The following CRTAP variants were observed in gnomAD, a reference collection of about 807,000 sequenced individuals.
CRTAP encodes cartilage-associated protein.
A neutral mutation model predicts 42.7 loss-of-function variants in CRTAP; 33 were observed. The observed-to-expected ratio is 0.77, with a 90% CI of 0.59 to 1.03. CRTAP has a LOEUF of 1.03. CRTAP is among the 50% of genes least tolerant of loss of function. The probability of loss-of-function intolerance (pLI) is 0.00; values close to 1 mark genes in which losing one functional copy is unlikely to be tolerated. For missense variants in CRTAP, 613 were observed against 533.9 expected, an observed-to-expected ratio of 1.15 and a Z score of -1.46; for synonymous variants, 243 against 217.7, an observed-to-expected ratio of 1.12 and a Z score of -1.02.
chr3:33,134,407 A>G, intron 6 of CRTAP, 142 bp downstream of exon 6: 1 of 696,050 alleles, frequency 1.4e-6, no homozygotes, highest in Admixed American at 2.0e-5. Context: ...TGGGTGTTTC[A>G]GTGACAGTCA....
At chr3:33,114,890 G>A (rs1701326255) in intron 1 of CRTAP, among the ~76,000 whole-genome samples, 1 of 152,178 alleles carries the variant, frequency 6.6e-6, no homozygotes. Context: ...TTTTTCTCAA[G>A]TGAGCGGTGA....
chr3:33,114,515 G>A lies in CRTAP; in HGVS notation c.438G>A (p.Glu146=). 6.2e-7 allele frequency: 1 copy of A among 1,603,958 alleles called. No homozygotes were observed. The highest frequency in any genetic ancestry group is 8.5e-7 in the Non-Finnish European group (1 of 1,177,068). The change falls in exon 1 of 7, where the codon GAG becomes GAA. Residue 146 remains glutamate, a synonymous_variant. Coordinates refer to ENST00000320954, the MANE Select transcript of CRTAP (RefSeq NM_006371.5). ...TGCTGGCGGACTTCCAGCGCCGCGA[G>A]CCCTACAAGTTCCTGCAGTTCGCTT... is the stretch of plus-strand genomic sequence containing the variant. ...REVLADFQRR[E]PYKFLQFAYF...
chr3:33,137,594 G>A (rs2030459599), intron 6 of CRTAP, among the ~76,000 whole-genome samples: 1 of 152,162 alleles, frequency 6.6e-6, no homozygotes, highest in Non-Finnish European at 1.5e-5. Context: ...AGATATTCTA[G>A]TTATAAGTTC....
Position 33,143,465 on chromosome 3 carries a change from G to A in CRTAP, c.*1017G>A, listed in dbSNP as rs1389957464. The stretch of plus-strand genomic sequence containing the variant: ...GAGTTGGAAAAGGAAGAAAGCCAGA[G>A]CTGTCTAGTTTCATTCATTCTTTCA... On this transcript the variant is annotated 3_prime_UTR_variant, in exon 7 of 7. Transcript: ENST00000320954. The A allele has an allele frequency of 6.6e-6, 1 of 152,256 alleles. No individual in the cohort carries two copies. The highest frequency in any genetic ancestry group is 1.5e-5 in the Non-Finnish European group (1 of 68,042). The allele number at this position is 152,256 out of a possible 1,614,324, so 9.4% of individuals were successfully genotyped here. A position where few individuals can be genotyped will look rare whatever the true frequency, so the allele number is the denominator to read the frequency against.
chr3:33,121,702 C>T (rs903703608), intron 2 of CRTAP, among the ~76,000 whole-genome samples: 2 of 152,132 alleles, frequency 1.3e-5, no homozygotes, highest in Non-Finnish European at 1.5e-5. Flanking sequence ...AATACTTCAC[C>T]TGCTTCCTGA....
At chr3:33,123,892 A>G (rs542102954) in intron 2 of CRTAP, among the ~76,000 whole-genome samples, 39 of 152,314 alleles carry the variant, frequency 2.6e-4, no homozygotes, top group Admixed American at 8.5e-4. Context: ...CCTGCTCTCA[A>G]ACTTACATTT....
chr3:33,126,384 A>G (rs1260631283), intron 3 of CRTAP, among the ~76,000 whole-genome samples: 2 of 152,086 alleles, frequency 1.3e-5, no homozygotes, highest in African/African-American at 2.4e-5. Flanking sequence ...TCCCGTAGAG[A>G]TTCCCATGGT....
At chr3:33,119,381 G>C (rs1701386215) in intron 1 of CRTAP, among the ~76,000 whole-genome samples, 1 of 152,172 alleles carries the variant, frequency 6.6e-6, no homozygotes. Flanking sequence ...TGAGATTGTA[G>C]GGTGGCGTAA....
chr3:33,126,378 G>C (rs755501904), intron 3 of CRTAP, among the ~76,000 whole-genome samples: 1 of 152,034 alleles, frequency 6.6e-6, no homozygotes, highest in African/African-American at 2.4e-5. Flanking sequence ...TTTTTGTCCC[G>C]TAGAGATTCC....
intron 1 of CRTAP, among the ~76,000 whole-genome samples, chr3:33,116,379 G>C (rs1701343806): frequency 6.6e-6 from 1 of 151,896 alleles, no homozygotes; most frequent in African/African-American, 2.4e-5. Flanking sequence ...TTTTTTTTGA[G>C]ACACAGTTTC....
chr3:33,140,142 C>T (rs1296329566), intron 6 of CRTAP, among the ~76,000 whole-genome samples: 1 of 152,118 alleles, frequency 6.6e-6, no homozygotes, highest in Non-Finnish European at 1.5e-5. Flanking sequence ...TACTAGAACA[C>T]GAAGAGATTT....
At chr3:33,129,686 C>T (rs2030188517) in intron 3 of CRTAP, among the ~76,000 whole-genome samples, 2 of 151,688 alleles carry the variant, frequency 1.3e-5, no homozygotes, top group East Asian at 1.9e-4. Flanking sequence ...CACAGGCGCC[C>T]ACCACGACGC....
chr3:33,124,462 A>G lies in CRTAP; in HGVS notation c.676A>G (p.Ile226Val). The part of the protein sequence containing the change: ...AYNGENWRTS[I>V]TDMELALPDF... ...CAACGGTGAGAACTGGAGAACATCC[A>G]TCACAGACATGGAGCTGGCCCTTCC... Residue 226 changes from isoleucine (I) to valine (V), a missense_variant, in exon 3 of 7, where the codon ATC (isoleucine) becomes GTC (valine). Transcript: ENST00000320954. 1 of 1,614,236 alleles carries G rather than the reference A, an allele frequency of 6.2e-7. No individual in the cohort carries two copies. Among genetic ancestry groups the G allele is most frequent in the Non-Finnish European group, 8.5e-7 (1 of 1,180,038 alleles).
chr3:33,120,078 C>T (rs1701398910), intron 1 of CRTAP, among the ~76,000 whole-genome samples: 1 of 152,192 alleles, frequency 6.6e-6, no homozygotes, highest in African/African-American at 2.4e-5. Context: ...TTATAGTCCA[C>T]ACAGGCCAGC....
chr3:33,129,048 A>G (rs540119398), intron 3 of CRTAP, among the ~76,000 whole-genome samples: 242 of 152,304 alleles, frequency 1.6e-3, no homozygotes, highest in African/African-American at 5.3e-3. Flanking sequence ...ACTGTAATTT[A>G]TTAATCCTCA....
At chr3:33,116,394 T>C (rs577373548) in intron 1 of CRTAP, among the ~76,000 whole-genome samples, 120 of 152,350 alleles carry the variant, frequency 7.9e-4, no homozygotes, top group Non-Finnish European at 1.3e-3. Flanking sequence ...AGTTTCACTT[T>C]GTCACCCAGA....
chr3:33,142,983 T>C lies in CRTAP; in HGVS notation c.*535T>C, dbSNP rs375872935. On this transcript the variant is annotated 3_prime_UTR_variant, in exon 7 of 7. Coordinates refer to ENST00000320954, the MANE Select transcript of CRTAP (RefSeq NM_006371.5). ...TCTCACCTTTACACCTGTCTTCTTATCCTCACATCTGTTTTCACACCTTCA... is the reference window on the plus strand; with the variant it reads ...TCTCACCTTTACACCTGTCTTCTTACCCTCACATCTGTTTTCACACCTTCA... 1 of 157,930 alleles carries C rather than the reference T, an allele frequency of 6.3e-6. No individual in the cohort carries two copies. Among genetic ancestry groups the C allele is most frequent in the East Asian group, 1.8e-4 (1 of 5,546 alleles). The allele number at this position is 157,930 out of a possible 1,614,324, so 9.8% of individuals were successfully genotyped here.
intron 6 of CRTAP, among the ~76,000 whole-genome samples, chr3:33,141,761 C>T (rs997055904): frequency 6.6e-6 from 1 of 152,178 alleles, no homozygotes; most frequent in Admixed American, 6.5e-5. Flanking sequence ...GGGTGCTGGG[C>T]TGCTTCAAGT....
At position 33,114,020 on chromosome 3, in the gene CRTAP, C is replaced by T. The variant is rs745896045; in HGVS notation, c.-58C>T. On this transcript the variant is annotated 5_prime_UTR_variant, in exon 1 of 7. Coordinates refer to ENST00000320954, the MANE Select transcript of CRTAP (RefSeq NM_006371.5). ...GCGTCGCACCGTCCTCTTTCCTTTC[C>T]TTCTCCCTCCCCTTTTCCCTTCCTT... The T allele has an allele frequency of 3.0e-6, 4 of 1,313,706 alleles. No individual in the cohort carries two copies. Among genetic ancestry groups the T allele is most frequent in the Non-Finnish European group, 3.0e-6 (3 of 997,290 alleles). 81.4% of individuals were successfully genotyped at this position (1,313,706 alleles called of 1,614,324 possible). A position where few individuals can be genotyped will look rare whatever the true frequency, so the allele number is the denominator to read the frequency against.
Sources: gnomAD v4.1 joint callset for allele counts (sites outside exome capture counted in the v4.1 genomes callset) on GRCh38, gnomAD v4.1.1 for gene constraint, MANE v1.5 for transcripts, NCBI Gene and HGNC (gene_info 2026-07-23, HGNC 2026-07-21) for gene names.